The following MCHR2 variants were observed in gnomAD, a reference collection of about 807,000 sequenced individuals.
The protein encoded by MCHR2 is melanin-concentrating hormone receptor 2.
MCHR2 carries 15 observed loss-of-function variants against 24.8 expected under a neutral mutation model. The ratio of observed to expected loss-of-function variants is 0.60; its 90% CI spans 0.40 to 0.93. MCHR2 has a LOEUF of 0.93. Among genes scored for constraint, MCHR2 ranks in the 40% least tolerant of loss-of-function variants. The probability of loss-of-function intolerance (pLI) is 0.00; values close to 1 mark genes in which losing one functional copy is unlikely to be tolerated. For synonymous variants in MCHR2, 151 were observed against 147.6 expected (o/e 1.02, Z -0.17); for missense variants, 386 against 408.7 (o/e 0.94, Z 0.48).
At chr6:99,950,076 T>C (rs1453226170) in intron 2 of MCHR2, among the ~76,000 whole-genome samples, 1 of 152,104 alleles carries the variant, frequency 6.6e-6, no homozygotes, top group African/African-American at 2.4e-5. Context: ...TTACTGATAA[T>C]GAATTATGGT....
At chr6:99,928,193 G>T (rs905668385) in intron 5 of MCHR2, among the ~76,000 whole-genome samples, 1 of 152,190 alleles carries the variant, frequency 6.6e-6, no homozygotes, top group African/African-American at 2.4e-5. Context: ...AAGCCCACTT[G>T]ATCATGGTGG....
chr6:99,958,305 TATAA>T (rs1370688962), intron 1 of MCHR2, among the ~76,000 whole-genome samples: 2 of 152,080 alleles, frequency 1.3e-5, no homozygotes, highest in African/African-American at 4.8e-5. Flanking sequence ...ATCTCACCTA[TATAA>T]ATATATATTA....
At chr6:99,980,682 C>A (rs77457551) in intron 1 of MCHR2, among the ~76,000 whole-genome samples, 1 of 151,370 alleles carries the variant, frequency 6.6e-6, no homozygotes, top group African/African-American at 2.4e-5. Context: ...CTACCATTGG[C>A]AAAAAAAATA....
rs1200691421 is a variant in MCHR2 at position 99,934,526 on chromosome 6, T to A, written c.588-9A>T. On this transcript the variant is annotated splice_polypyrimidine_tract_variant and intron_variant, in intron 4 of 5. Coordinates refer to ENST00000281806, the MANE Select transcript of MCHR2 (RefSeq NM_001040179.2). ...TCAAATAAAGTGTATACCTGTAAAATGAGAGAGAGAAGAGAGAGAGAGAAA... is the reference window on the plus strand; with the variant it reads ...TCAAATAAAGTGTATACCTGTAAAAAGAGAGAGAGAAGAGAGAGAGAGAAA... The A allele has an allele frequency of 6.4e-6, 10 of 1,558,944 alleles. No individual in the cohort carries two copies. In the Admixed American group the frequency reaches 2.0e-4, roughly 31 times the overall value.
chr6:99,947,780 G>A lies in MCHR2; in HGVS notation c.374C>T (p.Thr125Ile), dbSNP rs766016772. The change falls in exon 3 of 6, where the codon ACT becomes ATT. Residue 125 changes from threonine to isoleucine, a missense_variant. By Grantham distance (89) the Thr-to-Ile change is moderately conservative. Coordinates refer to ENST00000281806, the MANE Select transcript of MCHR2 (RefSeq NM_001040179.2). Reference sequence around the variant, plus strand: ...CACTTACCTGTCCACACTCATTACAGTCATGATGGCACTACAGGCAAATTG... The same window carrying A: ...CACTTACCTGTCCACACTCATTACAATCATGATGGCACTACAGGCAAATTG... ...CNQFACSAIM[T>I]VMSVDRYFAL... 1 of 1,613,736 alleles carries A rather than the reference G, an allele frequency of 6.2e-7. No individual in the cohort carries two copies. Among genetic ancestry groups the A allele is most frequent in the East Asian group, 2.2e-5 (1 of 44,870 alleles).
At chr6:99,974,069 T>G (rs1228488889) in intron 1 of MCHR2, among the ~76,000 whole-genome samples, 1 of 152,170 alleles carries the variant, frequency 6.6e-6, no homozygotes, top group Admixed American at 6.5e-5. Flanking sequence ...AGTATCTTTG[T>G]GACGTTCTCT....
intron 3 of MCHR2, among the ~76,000 whole-genome samples, chr6:99,947,550 A>T (rs1774893065): frequency 6.6e-6 from 1 of 152,154 alleles, no homozygotes; most frequent in Non-Finnish European, 1.5e-5. Context: ...GAATGATTAG[A>T]AAAAAGGAGA....
chr6:99,963,384 T>A (rs1320565709), intron 1 of MCHR2, among the ~76,000 whole-genome samples: 1 of 152,124 alleles, frequency 6.6e-6, no homozygotes, highest in African/African-American at 2.4e-5. Flanking sequence ...GAGGGCATGA[T>A]ACTAAGTGAA....
At chr6:99,976,047 G>A (rs1775542796) in intron 1 of MCHR2, among the ~76,000 whole-genome samples, 1 of 152,096 alleles carries the variant, frequency 6.6e-6, no homozygotes, top group African/African-American at 2.4e-5. Flanking sequence ...ATACAACTAG[G>A]GGAAGGTCTT....
chr6:99,942,666 A>T (rs1774794734), intron 4 of MCHR2, among the ~76,000 whole-genome samples: 1 of 152,134 alleles, frequency 6.6e-6, no homozygotes, highest in South Asian at 2.1e-4. Flanking sequence ...TGATTGCTGC[A>T]TTCCCACTGC....
At chr6:99,972,657 G>T (rs1213706989) in intron 1 of MCHR2, among the ~76,000 whole-genome samples, 1 of 152,068 alleles carries the variant, frequency 6.6e-6, no homozygotes, top group Non-Finnish European at 1.5e-5. Flanking sequence ...TGATGTTAGG[G>T]TGTCAATTTT....
In MCHR2 at chr6:99,947,970, A is replaced by C; in HGVS notation, c.184T>G (p.Ser62Ala). ...ATGTCAGGGACTGTTTTTTTCCTGG[A>C]TCTGAAAGAGATAGAGGAAACTGAG... ...NILIVFTIIR[S>A]RKKTVPDIYI... The change falls in exon 3 of 6, where the codon TCC (serine) becomes GCC (alanine). Residue 62 changes from serine to alanine, a missense_variant and splice_region_variant. By Grantham distance (99) the Ser-to-Ala change is moderately conservative. Coordinates refer to ENST00000281806, the MANE Select transcript of MCHR2 (RefSeq NM_001040179.2). The C allele has an allele frequency of 6.2e-7, 1 of 1,612,728 alleles. No individual in the cohort carries two copies. The highest frequency in any genetic ancestry group is 8.5e-7 in the Non-Finnish European group (1 of 1,179,124).
intron 1 of MCHR2, among the ~76,000 whole-genome samples, chr6:99,960,799 C>T (rs1287172983): frequency 6.6e-6 from 1 of 152,066 alleles, no homozygotes; most frequent in Non-Finnish European, 1.5e-5. Flanking sequence ...GAAACTGGAC[C>T]CCTTCGTTAC....
At chr6:99,960,378 A>T (rs1347750502) in intron 1 of MCHR2, among the ~76,000 whole-genome samples, 1 of 152,342 alleles carries the variant, frequency 6.6e-6, no homozygotes, top group Non-Finnish European at 1.5e-5. Context: ...GATAGGAAGA[A>T]TCAATATGGT....
intron 5 of MCHR2, among the ~76,000 whole-genome samples, chr6:99,923,275 T>A (rs1774277461): frequency 1.3e-5 from 2 of 152,168 alleles, no homozygotes; most frequent in Non-Finnish European, 2.9e-5. Context: ...TCAGTTCTAA[T>A]AGTTTTTTTT....
At position 99,954,454 on chromosome 6, in the gene MCHR2, TG is replaced by T. The variant is rs1775021812; in HGVS notation, c.182+1511del. On this transcript the variant is annotated intron_variant, in intron 2 of 5. Coordinates refer to ENST00000281806, the MANE Select transcript of MCHR2 (RefSeq NM_001040179.2). ...TTGAGGAATAACATGACCCTACAAG[TG>T]GAACGGTCCACACCTGACCTCATGT... Among the ~76,000 whole-genome samples, 5 of 152,178 alleles carry T rather than the reference TG, an allele frequency of 3.3e-5. No homozygotes were observed. In the South Asian group the frequency reaches 6.2e-4, roughly 19 times the overall value.
chr6:99,932,338 C>CT (rs1774564287), intron 5 of MCHR2, among the ~76,000 whole-genome samples: 1 of 151,958 alleles, frequency 6.6e-6, no homozygotes. Flanking sequence ...AGAGCCAGAC[C>CT]TTTTTTACAG....
intron 1 of MCHR2, among the ~76,000 whole-genome samples, chr6:99,956,443 G>A (rs1775062797): frequency 6.6e-6 from 1 of 152,056 alleles, no homozygotes; most frequent in Non-Finnish European, 1.5e-5. Context: ...TATGCTTTGA[G>A]CATAGGTGAT....
intron 1 of MCHR2, among the ~76,000 whole-genome samples, chr6:99,973,630 T>G (rs1393422584): frequency 6.6e-6 from 1 of 152,232 alleles, no homozygotes; most frequent in Non-Finnish European, 1.5e-5. Context: ...TTTTGCTCAT[T>G]AGTTGATGCA....
Sources: allele counts gnomAD v4.1 joint callset (sites outside exome capture counted in the v4.1 genomes callset), GRCh38; gene constraint gnomAD v4.1.1; transcripts MANE v1.5; gene names NCBI Gene and HGNC (gene_info 2026-07-23, HGNC 2026-07-21).